RBFOX1: variants seen among roughly 807,000 people sequenced by gnomAD.
The protein encoded by RBFOX1 is RNA binding protein fox-1 homolog 1.
Under a neutral mutation model 57.7 loss-of-function variants are expected in RBFOX1, and 8 were observed. The ratio of observed to expected loss-of-function variants is 0.14; its 90% CI spans 0.08 to 0.25. The LOEUF is 0.25. RBFOX1 is among the 10% of genes least tolerant of loss of function. RBFOX1 has a pLI of 1.00. For missense variants in RBFOX1, 611 were observed against 548.5 expected (o/e 1.11, Z -1.14); for synonymous variants, 326 against 222.4 (o/e 1.47, Z -4.15).
chr16:7,227,160 T>A (rs535289899), intron 4 of RBFOX1, among the ~76,000 whole-genome samples: 72 of 152,254 alleles, frequency 4.7e-4, no homozygotes, highest in South Asian at 1.7e-3. Context: ...CCCCATTATG[T>A]CACTCATGTA....
intron 2 of RBFOX1, among the ~76,000 whole-genome samples, chr16:6,613,063 G>A (rs1369327470): frequency 2.7e-5 from 4 of 150,156 alleles, no homozygotes. Flanking sequence ...GTGTGTTTTG[G>A]AATTCACAGG....
chr16:5,613,491 G>A (rs180864502), intron 3 of RBFOX1, among the ~76,000 whole-genome samples: 2 of 152,172 alleles, frequency 1.3e-5, no homozygotes, highest in Non-Finnish European at 2.9e-5. Flanking sequence ...CAGAAGCTGA[G>A]ATTTGTGGTC....
chr16:6,902,665 T>C (rs2068773998), intron 3 of RBFOX1, among the ~76,000 whole-genome samples: 1 of 152,180 alleles, frequency 6.6e-6, no homozygotes, highest in African/African-American at 2.4e-5. Flanking sequence ...GAGGCTGTAG[T>C]GAGCTGAGAT....
chr16:5,703,820 C>T (rs1333190369), intron 3 of RBFOX1, among the ~76,000 whole-genome samples: 4 of 151,966 alleles, frequency 2.6e-5, no homozygotes, highest in Non-Finnish European at 5.9e-5. Context: ...TAATATGCAA[C>T]CCATGATGTA....
intron 3 of RBFOX1, among the ~76,000 whole-genome samples, chr16:5,841,816 G>A (rs527391265): frequency 5.3e-5 from 8 of 152,268 alleles, no homozygotes; most frequent in South Asian, 4.2e-4. Context: ...CTTTCTACTC[G>A]CAGACTAAAA....
chr16:7,536,676 T>C (rs1024695), intron 5 of RBFOX1, among the ~76,000 whole-genome samples: 2,206 of 152,292 alleles, frequency 0.014, 50 homozygotes, highest in African/African-American at 0.05. Flanking sequence ...AGACAGCAGA[T>C]GTGGAAACAA....
chr16:7,353,234 G>C (rs1298921827), intron 4 of RBFOX1, among the ~76,000 whole-genome samples: 8 of 152,058 alleles, frequency 5.3e-5, no homozygotes. Context: ...ACCATCACTA[G>C]CCATAAATAA....
intron 3 of RBFOX1, among the ~76,000 whole-genome samples, chr16:6,821,104 A>G (rs917132029): frequency 1.3e-5 from 2 of 152,220 alleles, no homozygotes; most frequent in Non-Finnish European, 2.9e-5. Context: ...TCAAGCCACT[A>G]CACCATTAAA....
intron 1 of RBFOX1, among the ~76,000 whole-genome samples, chr16:6,282,886 C>T (rs1157810159): frequency 6.6e-6 from 1 of 152,164 alleles, no homozygotes; most frequent in Non-Finnish European, 1.5e-5. Flanking sequence ...AAGTACTTTG[C>T]ATCTATTGTC....
At chr16:6,255,897 G>A (rs893338730) in intron 1 of RBFOX1, among the ~76,000 whole-genome samples, 2 of 151,446 alleles carry the variant, frequency 1.3e-5, no homozygotes, top group Non-Finnish European at 2.9e-5. Context: ...GTACTTGGTG[G>A]GGTGCAAAGG....
At chr16:5,407,366 A>C (rs1005407276) in intron 1 of RBFOX1, among the ~76,000 whole-genome samples, 2 of 152,132 alleles carry the variant, frequency 1.3e-5, no homozygotes, top group African/African-American at 2.4e-5. Flanking sequence ...AGTAGGAATT[A>C]GATGAGTAGT....
At chr16:6,819,891 A>G (rs868654205) in intron 3 of RBFOX1, among the ~76,000 whole-genome samples, 1 of 152,068 alleles carries the variant, frequency 6.6e-6, no homozygotes, top group Admixed American at 6.5e-5. Flanking sequence ...CCTCAAGCAT[A>G]CCTTACAGAG....
At chr16:6,684,296 C>T (rs1019236159) in intron 3 of RBFOX1, among the ~76,000 whole-genome samples, 1 of 152,132 alleles carries the variant, frequency 6.6e-6, no homozygotes, top group Non-Finnish European at 1.5e-5. Flanking sequence ...CTCCCAGGCG[C>T]CAGCCACTGT....
At chr16:6,960,311 G>C (rs8044429) in intron 3 of RBFOX1, among the ~76,000 whole-genome samples, 182 of 152,042 alleles carry the variant, frequency 1.2e-3, no homozygotes, top group African/African-American at 4.2e-3. Flanking sequence ...AATCACTTAC[G>C]TCTTTAGACG....
chr16:5,370,658 AT>A (rs113712282), intron 1 of RBFOX1, among the ~76,000 whole-genome samples: 3 of 148,254 alleles, frequency 2.0e-5, no homozygotes, highest in African/African-American at 7.4e-5. Flanking sequence ...ACACTCAGCT[AT>A]TTTTTTTTTA....
At chr16:6,349,627 C>G (rs558629274) in intron 2 of RBFOX1, among the ~76,000 whole-genome samples, 1 of 152,162 alleles carries the variant, frequency 6.6e-6, no homozygotes, top group Non-Finnish European at 1.5e-5. Context: ...GCAGAGAGTG[C>G]AGGTACAGTC....
chr16:5,959,995 G>A (rs1025523041), intron 4 of RBFOX1, among the ~76,000 whole-genome samples: 1 of 152,112 alleles, frequency 6.6e-6, no homozygotes, highest in Admixed American at 6.5e-5. Flanking sequence ...GAGGTCCGGA[G>A]TTCAAGACCA....
chr16:7,250,355 C>A (rs1443060422), intron 4 of RBFOX1, among the ~76,000 whole-genome samples: 2 of 152,174 alleles, frequency 1.3e-5, no homozygotes, highest in Non-Finnish European at 2.9e-5. Context: ...ACCATGGATG[C>A]TGACACAATG....
chr16:6,956,600 G>C (rs1490519102), intron 3 of RBFOX1, among the ~76,000 whole-genome samples: 1 of 152,202 alleles, frequency 6.6e-6, no homozygotes, highest in African/African-American at 2.4e-5. Context: ...ACAGAGGAGT[G>C]AGTGGTTCAA....
Sources: allele counts gnomAD v4.1 joint callset (sites outside exome capture counted in the v4.1 genomes callset), GRCh38; gene constraint gnomAD v4.1.1; transcripts MANE v1.5; gene names NCBI Gene and HGNC (gene_info 2026-07-23, HGNC 2026-07-21).